IL1RAPL1: variants seen among roughly 807,000 people sequenced by gnomAD.
IL1RAPL1 encodes interleukin-1 receptor accessory protein-like 1.
A neutral mutation model predicts 48.4 loss-of-function variants in IL1RAPL1; 3 were observed. The observed-to-expected ratio is 0.06, with a 90% CI of 0.03 to 0.16. The LOEUF (loss-of-function observed/expected upper bound fraction) is 0.16, where lower values mean the gene tolerates loss of function less well. Ranked by LOEUF, IL1RAPL1 falls within the 10% of genes least tolerant of loss-of-function variation. The probability of loss-of-function intolerance (pLI) is 1.00; values close to 1 mark genes in which losing one functional copy is unlikely to be tolerated. For synonymous variants in IL1RAPL1, 185 were observed against 187.7 expected (o/e 0.99, Z 0.12); for missense variants, 349 against 530.6 (o/e 0.66, Z 3.36).
chrX:28,716,894 G>A (rs1484466586), intron 1 of IL1RAPL1, among the ~76,000 whole-genome samples: 2 of 111,903 alleles, frequency 1.8e-5, no homozygotes, highest in Admixed American at 1.9e-4. Flanking sequence ...TGGACAACAT[G>A]CATGTGAATA....
At chrX:29,030,690 G>A (rs1926598217) in intron 2 of IL1RAPL1, among the ~76,000 whole-genome samples, 1 of 111,434 alleles carries the variant, frequency 9.0e-6, no homozygotes, top group South Asian at 3.7e-4. Flanking sequence ...TGGCAATAAA[G>A]GGCTTTGGCA....
At chrX:28,954,357 T>C (rs1024024879) in intron 2 of IL1RAPL1, among the ~76,000 whole-genome samples, 1 of 110,984 alleles carries the variant, frequency 9.0e-6, no homozygotes, top group Admixed American at 9.7e-5. Context: ...ATTTCAGTTA[T>C]CATTTTAGCA....
intron 2 of IL1RAPL1, among the ~76,000 whole-genome samples, chrX:28,961,997 C>T (rs1417326248): frequency 1.8e-5 from 2 of 111,789 alleles, no homozygotes; most frequent in African/African-American, 3.3e-5. Context: ...GTTACTCTCA[C>T]GTTAAGAGCA....
chrX:29,221,466 T>G lies in IL1RAPL1; in HGVS notation c.83-61472T>G, dbSNP rs766759448. Among the ~76,000 whole-genome samples, 4 of 111,237 alleles carry G rather than the reference T, an allele frequency of 3.6e-5. No homozygotes were observed. In the Admixed American group the frequency reaches 3.9e-4, roughly 11 times the overall value. On this transcript the variant is annotated intron_variant, in intron 2 of 10. Coordinates refer to ENST00000378993, the MANE Select transcript of IL1RAPL1 (RefSeq NM_014271.4). ...GGAGAACGAATCAACTGACAGTGCA[T>G]TTTTATATACCCCGTGAAGGTCTCA...
At chrX:28,890,238 G>A (rs1030588329) in intron 2 of IL1RAPL1, among the ~76,000 whole-genome samples, 1 of 111,271 alleles carries the variant, frequency 9.0e-6, no homozygotes, top group African/African-American at 3.3e-5. Context: ...AAAAGCTCAG[G>A]CATTTTTAGG....
At chrX:29,485,211 T>C (rs1935084156) in intron 5 of IL1RAPL1, among the ~76,000 whole-genome samples, 1 of 112,247 alleles carries the variant, frequency 8.9e-6, no homozygotes, top group African/African-American at 3.2e-5. Flanking sequence ...ATAATAAATA[T>C]TACAGTATGC....
intron 3 of IL1RAPL1, among the ~76,000 whole-genome samples, chrX:29,336,100 TTATATACATAAATATACA>T (rs1344546122): frequency 1.9e-5 from 2 of 105,137 alleles, no homozygotes; most frequent in Non-Finnish European, 3.9e-5. Flanking sequence ...CGTATATATT[TTATATACATAAATATACA>T]TATATACATA....
intron 6 of IL1RAPL1, among the ~76,000 whole-genome samples, chrX:29,692,895 T>G (rs1157594063): frequency 8.9e-6 from 1 of 112,207 alleles, no homozygotes; most frequent in Non-Finnish European, 1.9e-5. Flanking sequence ...TTGAGAAATT[T>G]CTGCTGTTGG....
intron 1 of IL1RAPL1, among the ~76,000 whole-genome samples, chrX:28,660,812 CAT>C (rs780806681): frequency 9.0e-6 from 1 of 111,558 alleles, no homozygotes; most frequent in Non-Finnish European, 1.9e-5. Flanking sequence ...GAATGGAAAA[CAT>C]CGAATAAGTC....
intron 3 of IL1RAPL1, among the ~76,000 whole-genome samples, chrX:29,307,357 C>T (rs771376170): frequency 1.8e-5 from 2 of 111,892 alleles, no homozygotes; most frequent in South Asian, 7.3e-4. Context: ...TTTCAGAAGT[C>T]ATGACTTTAT....
chrX:28,878,759 G>A (rs866816942), intron 2 of IL1RAPL1, among the ~76,000 whole-genome samples: 2 of 111,266 alleles, frequency 1.8e-5, no homozygotes, highest in South Asian at 7.7e-4. Flanking sequence ...GAGGGCTCTG[G>A]GAAAGTTCAT....
chrX:29,001,687 T>C (rs1285534474), intron 2 of IL1RAPL1, among the ~76,000 whole-genome samples: 1 of 111,730 alleles, frequency 9.0e-6, no homozygotes, highest in African/African-American at 3.3e-5. Flanking sequence ...TTCTAAAAGT[T>C]CATTTAAAAG....
intron 6 of IL1RAPL1, among the ~76,000 whole-genome samples, chrX:29,889,566 G>C (rs1252081395): frequency 9.0e-6 from 1 of 111,184 alleles, no homozygotes; most frequent in East Asian, 2.8e-4. Flanking sequence ...GAAAAAAATA[G>C]AGTTACTTGT....
intron 5 of IL1RAPL1, among the ~76,000 whole-genome samples, chrX:29,456,933 G>A (rs751631859): frequency 1.8e-5 from 2 of 110,614 alleles, no homozygotes; most frequent in Admixed American, 9.7e-5. Flanking sequence ...GGAAGTTCAC[G>A]ACCAGCCTGG....
At chrX:29,142,038 T>A (rs1929253849) in intron 2 of IL1RAPL1, among the ~76,000 whole-genome samples, 1 of 112,123 alleles carries the variant, frequency 8.9e-6, no homozygotes, top group East Asian at 2.8e-4. Flanking sequence ...GACTTCTTTT[T>A]CAGTCAGAAC....
At chrX:28,980,828 C>T (rs1319121003) in intron 2 of IL1RAPL1, among the ~76,000 whole-genome samples, 1 of 109,368 alleles carries the variant, frequency 9.1e-6, no homozygotes, top group African/African-American at 3.3e-5. Context: ...GTTGCTCACA[C>T]CTGTAATCCC....
chrX:29,485,704 C>T (rs1160249437), intron 5 of IL1RAPL1, among the ~76,000 whole-genome samples: 1 of 111,546 alleles, frequency 9.0e-6, no homozygotes, highest in Non-Finnish European at 1.9e-5. Context: ...ACAATTAACC[C>T]TTGCAATTTA....
intron 1 of IL1RAPL1, among the ~76,000 whole-genome samples, chrX:28,661,351 AT>A (rs1254904877): frequency 1.8e-5 from 2 of 111,126 alleles, no homozygotes; most frequent in African/African-American, 6.5e-5. Flanking sequence ...AGCTAATCAT[AT>A]AAAAACTCAT....
chrX:28,835,601 A>G (rs1921183840), intron 2 of IL1RAPL1, among the ~76,000 whole-genome samples: 1 of 111,452 alleles, frequency 9.0e-6, no homozygotes, highest in Non-Finnish European at 1.9e-5. Context: ...CTAACAGGCC[A>G]AATGCAGCCT....
Sources: gnomAD v4.1 joint callset for allele counts (sites outside exome capture counted in the v4.1 genomes callset) on GRCh38, gnomAD v4.1.1 for gene constraint, MANE v1.5 for transcripts, NCBI Gene and HGNC (gene_info 2026-07-23, HGNC 2026-07-21) for gene names.